LAMC2: variants seen among roughly 807,000 people sequenced by gnomAD.
The protein encoded by LAMC2 is laminin subunit gamma 2.
LAMC2 carries 97 observed loss-of-function variants against 140.2 expected under a neutral mutation model. That is an observed-to-expected ratio of 0.69 (90% confidence interval 0.59 to 0.82). The LOEUF (loss-of-function observed/expected upper bound fraction) is 0.82. LAMC2 is among the 40% of genes least tolerant of loss of function. The pLI is 0.00. For missense variants in LAMC2, 1,402 were observed against 1,476.1 expected, an observed-to-expected ratio of 0.95 and a Z score of 0.82; for synonymous variants, 513 against 540.2, an observed-to-expected ratio of 0.95 and a Z score of 0.70.
chr1:183,247,793 T>C (rs992487220), downstream of LAMC2, among the ~76,000 whole-genome samples: 16 of 152,212 alleles, frequency 1.1e-4, no homozygotes, highest in Non-Finnish European at 1.9e-4. Context: ...GTTAACAAAT[T>C]GTTCACTTTT....
At chr1:183,251,401 T>C in the LAMC2 span, 1 of 152,300 alleles carries the variant, frequency 6.6e-6, no homozygotes, top group African/African-American at 2.4e-5. Context: ...TCCTAGTTCA[T>C]CCTGGACTTA....
chr1:183,207,491 C>T (rs1658924627), intron 1 of LAMC2, among the ~76,000 whole-genome samples: 1 of 152,154 alleles, frequency 6.6e-6, no homozygotes, highest in Admixed American at 6.5e-5. Context: ...CTCAGGTCTC[C>T]GTGAGCCCAC....
rs113417702 is a variant in LAMC2 at position 183,207,838 on chromosome 1, T to TTTG, written c.80-41_80-40insGTT. The TTTG allele has an allele frequency of 5.7e-5, 83 of 1,466,222 alleles. No homozygotes were observed. The African/African-American group carries it at 9.2e-4, about 16-fold the overall frequency. 90.8% of individuals were successfully genotyped at this position (1,466,222 alleles called of 1,614,324 possible). On this transcript the variant is annotated intron_variant, in intron 1 of 22. Coordinates refer to ENST00000264144, the MANE Select transcript of LAMC2 (RefSeq NM_005562.3). ...CTGCTAGAACAGTTCCTGAGGTGTT[T>TTTG]TTTTTTTTTTTTGACGATCTCTTTT...
intron 5 of LAMC2, among the ~76,000 whole-genome samples, chr1:183,221,750 A>G (rs1659479718): frequency 6.6e-6 from 1 of 151,686 alleles, no homozygotes; most frequent in Non-Finnish European, 1.5e-5. Flanking sequence ...AAATGAAAAA[A>G]AAATGAAAAG....
At chr1:183,252,639 T>C in the LAMC2 span, 1 of 1,609,108 alleles carries the variant, frequency 6.2e-7, no homozygotes, top group Non-Finnish European at 8.5e-7. Context: ...GACGAGGGGC[T>C]GCTAGCCGGA....
intron 2 of LAMC2, among the ~76,000 whole-genome samples, chr1:183,214,084 A>G (rs1659166956): frequency 1.3e-5 from 2 of 151,750 alleles, no homozygotes; most frequent in Non-Finnish European, 2.9e-5. Flanking sequence ...ACTGAATTGC[A>G]GGGGAATTAT....
Position 183,234,354 on chromosome 1 carries a change from C to T in LAMC2, c.2221-13C>T, listed in dbSNP as rs780942718. 1.9e-6 allele frequency: 3 copies of T among 1,611,774 alleles called. No homozygotes were observed. The highest frequency in any genetic ancestry group is 2.5e-6 in the Non-Finnish European group (3 of 1,177,852). On this transcript the variant is annotated splice_polypyrimidine_tract_variant and intron_variant, in intron 14 of 22. Transcript: ENST00000264144. ...TAACCGATTCGCCTTAACCGATTCT[C>T]CTTTTCCCACAGAACATTCCTGCCT...
rs1186159265 is a variant in LAMC2 at position 183,186,320 on chromosome 1, G to A, written c.-33G>A. On this transcript the variant is annotated 5_prime_UTR_variant, in exon 1 of 23. Coordinates refer to ENST00000264144, the MANE Select transcript of LAMC2 (RefSeq NM_005562.3). ...GAGGCGCCGGGCAGCGACCCCTGCA[G>A]CGGAGACAGAGACTGAGCGGCCCGG... is the stretch of plus-strand genomic sequence containing the variant. The A allele has an allele frequency of 6.4e-7, 1 of 1,571,856 alleles. No individual in the cohort carries two copies. The highest frequency in any genetic ancestry group is 1.3e-5 in the African/African-American group (1 of 74,600).
At position 183,228,308 on chromosome 1, in the gene LAMC2, G is replaced by C; in HGVS notation, c.1469-66G>C. On this transcript the variant is annotated intron_variant, in intron 10 of 22. Transcript: ENST00000264144. This position sits in a 1 kb window ranked among gnomAD's most constrained non-coding sequence, Gnocchi z 4.3. ...TTCTAGAGGGTGACTCGCAACTTTA[G>C]GCCTCTGCGTCTGGTCTTCCTCCTG... is the stretch of plus-strand genomic sequence containing the variant. The C allele has an allele frequency of 6.2e-7, 1 of 1,608,468 alleles. No homozygotes were observed. Among genetic ancestry groups the C allele is most frequent in the East Asian group, 2.2e-5 (1 of 44,852 alleles).
At chr1:183,251,475 C>T in the LAMC2 span, 72 of 152,442 alleles carry the variant, frequency 4.7e-4, no homozygotes, top group African/African-American at 1.5e-3. Context: ...CAAAGACCTC[C>T]AGGGTTGAGT....
rs1659782625 is a variant in LAMC2 at position 183,231,002 on chromosome 1, C to T, written c.1756C>T (p.Arg586Ter). ...CATGGGCTCAGAGCCTGTAGGATGTCGAAGTGATGGCACCTGTGTTTGCAA... is the reference window on the plus strand; with the variant it reads ...CATGGGCTCAGAGCCTGTAGGATGTTGAAGTGATGGCACCTGTGTTTGCAA... ...NPMGSEPVGC[R>*]SDGTCVCKPG... The change falls in exon 12 of 23, where the codon CGA (arginine) becomes TGA (stop). Residue 586 changes from arginine to a stop codon, truncating the protein, a stop_gained. Coordinates refer to ENST00000264144, the MANE Select transcript of LAMC2 (RefSeq NM_005562.3). LOFTEE classifies it high-confidence loss of function. The T allele has an allele frequency of 1.2e-6, 2 of 1,614,104 alleles. No individual in the cohort carries two copies. The highest frequency in any genetic ancestry group is 1.7e-6 in the Non-Finnish European group (2 of 1,180,012).
At position 183,227,595 on chromosome 1, in the gene LAMC2, C is replaced by G; in HGVS notation, c.1366C>G (p.Pro456Ala). The G allele has an allele frequency of 6.2e-7, 1 of 1,614,132 alleles. No homozygotes were observed. Among genetic ancestry groups the G allele is most frequent in the African/African-American group, 1.3e-5 (1 of 75,024 alleles). Reference protein sequence around the residue: ...PIGFYNDPHDPRSCKPCPCHN... With the variant: ...PIGFYNDPHDARSCKPCPCHN... The stretch of plus-strand genomic sequence containing the variant: ...TGGTTTCTACAACGATCCGCACGAC[C>G]CCCGCAGCTGCAAGCCATGTCCCTG... The change falls in exon 10 of 23, where the codon CCC becomes GCC. Residue 456 changes from proline to alanine, a missense_variant. Pro to Ala is a conservative substitution (Grantham distance 27). Transcript: ENST00000264144.
chr1:183,245,400 C>G (rs1660221017), downstream of LAMC2, among the ~76,000 whole-genome samples: 1 of 152,154 alleles, frequency 6.6e-6, no homozygotes, highest in Admixed American at 6.5e-5. Context: ...CTTGGCATAC[C>G]CAATTACACA....
chr1:183,193,940 A>G (rs1658429001), intron 1 of LAMC2, among the ~76,000 whole-genome samples: 2 of 151,282 alleles, frequency 1.3e-5, no homozygotes, highest in Admixed American at 6.6e-5. Context: ...TAGGCAATAC[A>G]GTGTTTTTGT....
chr1:183,228,561 G>C lies in LAMC2; in HGVS notation c.1656G>C (p.Gln552His), dbSNP rs1659704126. 8.1e-6 allele frequency: 13 copies of C among 1,614,002 alleles called. No homozygotes were observed. The highest frequency in any genetic ancestry group is 2.2e-5 in the South Asian group (2 of 91,042). ...ACACAGCCGGCATCTACTGCGACCA[G>C]TGCAAAGCAGGCTACTTCGGGGACC... ...IHNTAGIYCD[Q>H]CKAGYFGDPL... The change falls in exon 11 of 23, where the codon CAG becomes CAC. Residue 552 changes from glutamine to histidine, a missense_variant. This residue lies in a region of LAMC2 where 723 missense variants were observed against 783.3 expected (regional missense o/e 0.92). Coordinates refer to ENST00000264144, the MANE Select transcript of LAMC2 (RefSeq NM_005562.3). This position sits in a 1 kb window ranked among gnomAD's most constrained non-coding sequence, Gnocchi z 4.3.
At position 183,239,490 on chromosome 1, in the gene LAMC2, G is replaced by A. The variant is rs977079210; in HGVS notation, c.2996G>A (p.Ser999Asn). 11 of 1,613,830 alleles carry A rather than the reference G, an allele frequency of 6.8e-6. No homozygotes were observed. The highest frequency in any genetic ancestry group is 8.5e-6 in the Non-Finnish European group (10 of 1,179,932). The change falls in exon 20 of 23, where the codon AGC becomes AAC. Residue 999 changes from serine (S) to asparagine (N), a missense_variant. This residue lies in a region of LAMC2 where 670 missense variants were observed against 667.2 expected (regional missense o/e 1.00). Coordinates refer to ENST00000264144, the MANE Select transcript of LAMC2 (RefSeq NM_005562.3). ...CAGCAAGCAGAAAGAGCCCTGGGGA[G>A]CGCTGCTGCTGATGCACAGAGGGCA... ...KTQQAERALG[S>N]AAADAQRAKN...
intron 6 of LAMC2, 150 bp downstream of exon 6, chr1:183,222,361 G>A (rs1659502280): frequency 2.5e-6 from 2 of 813,300 alleles, no homozygotes; most frequent in Admixed American, 3.8e-5. Context: ...AGAGAGATGG[G>A]GGCTAAGCCT....
chr1:183,210,691 A>G (rs536041850), intron 2 of LAMC2, among the ~76,000 whole-genome samples: 1 of 152,388 alleles, frequency 6.6e-6, no homozygotes, highest in African/African-American at 2.4e-5. Context: ...GATCTGACTA[A>G]TGCTTTATAA....
intron 1 of LAMC2, among the ~76,000 whole-genome samples, chr1:183,199,657 A>T (rs1485285686): frequency 6.6e-6 from 1 of 152,232 alleles, no homozygotes; most frequent in Admixed American, 6.5e-5. Flanking sequence ...GACACAGGAT[A>T]GAACGAGGCA....
Sources: allele counts gnomAD v4.1 joint callset (sites outside exome capture counted in the v4.1 genomes callset), GRCh38; gene constraint gnomAD v4.1.1; regional missense constraint gnomAD v4.1.1; non-coding constraint Gnocchi (gnomAD v3.1); transcripts MANE v1.5; gene names NCBI Gene and HGNC (gene_info 2026-07-23, HGNC 2026-07-21).